The following ARID2 variants were observed in gnomAD, a reference collection of about 807,000 sequenced individuals.
ARID2 encodes AT-rich interaction domain 2, also known as AT-rich interactive domain-containing protein 2.
A neutral mutation model predicts 184.6 loss-of-function variants in ARID2; 32 were observed. That is an observed-to-expected ratio of 0.17 (90% confidence interval 0.13 to 0.23). The LOEUF (loss-of-function observed/expected upper bound fraction) is 0.23, where lower values mean the gene tolerates loss of function less well. Ranked by LOEUF, ARID2 falls within the 10% of genes least tolerant of loss-of-function variation. The pLI is 1.00. For missense variants in ARID2, 1,696 were observed against 2,197.6 expected (o/e 0.77, Z 4.56); for synonymous variants, 836 against 772.6 (o/e 1.08, Z -1.36).
intron 3 of ARID2, among the ~76,000 whole-genome samples, chr12:45,782,313 G>A (rs1942107796): frequency 6.6e-6 from 1 of 152,044 alleles, no homozygotes; most frequent in Admixed American, 6.6e-5. Flanking sequence ...AACCTGTAAA[G>A]TAAAACTAAT....
chr12:45,822,438 A>C (rs1035778569), intron 6 of ARID2, among the ~76,000 whole-genome samples: 2 of 152,122 alleles, frequency 1.3e-5, no homozygotes, highest in African/African-American at 4.8e-5. Flanking sequence ...AGGGAGGTTG[A>C]GGTGGGAGGA....
In ARID2 at chr12:45,817,848, C is replaced by G. The variant is rs776829647; in HGVS notation, c.597C>G (p.Ile199Met). Reference protein sequence around the residue: ...HVMQLEKDPKIITLLLANAGV... With the variant: ...HVMQLEKDPKMITLLLANAGV... Reference sequence around the variant, plus strand: ...TGCAACTTGAAAAAGATCCTAAAATCATCACTTTACTACTTGCTAATGCCG... The same window carrying G: ...TGCAACTTGAAAAAGATCCTAAAATGATCACTTTACTACTTGCTAATGCCG... Residue 199 changes from isoleucine to methionine, a missense_variant, in exon 5 of 21, where the codon ATC becomes ATG. Transcript: ENST00000334344. 6.2e-7 allele frequency: 1 copy of G among 1,613,054 alleles called. No homozygotes were observed. The highest frequency in any genetic ancestry group is 8.5e-7 in the Non-Finnish European group (1 of 1,179,612).
intron 15 of ARID2, among the ~76,000 whole-genome samples, chr12:45,859,902 T>C (rs902239426): frequency 1.3e-5 from 2 of 152,158 alleles, no homozygotes; most frequent in Non-Finnish European, 2.9e-5. Context: ...CCTGGCTAAT[T>C]TTTGTTTTTA....
chr12:45,760,491 G>A (rs182525767), intron 3 of ARID2, among the ~76,000 whole-genome samples: 277 of 151,824 alleles, frequency 1.8e-3, no homozygotes, highest in Non-Finnish European at 3.5e-3. Context: ...TTCTGCGTGT[G>A]TGTTTTTTTG....
In ARID2 at chr12:45,811,500, C is replaced by T. The variant is rs1468635333; in HGVS notation, c.367C>T (p.Pro123Ser). 6.2e-7 allele frequency: 1 copy of T among 1,613,894 alleles called. No homozygotes were observed. Among genetic ancestry groups the T allele is most frequent in the South Asian group, 1.1e-5 (1 of 91,064 alleles). ...VPPGNPKPQL[P>S]IGAIPSSYNY... ...ACCAGGCAATCCAAAGCCACAGCTT[C>T]CTATTGGTGCAATTCCATCTTCCTA... Residue 123 changes from proline (P) to serine (S), a missense_variant, in exon 4 of 21, where the codon CCT becomes TCT. Transcript: ENST00000334344.
chr12:45,775,002 T>C (rs925365456), intron 3 of ARID2, among the ~76,000 whole-genome samples: 1 of 152,144 alleles, frequency 6.6e-6, no homozygotes, highest in African/African-American at 2.4e-5. Context: ...GAATAGTGGC[T>C]AGGGATACTG....
At position 45,839,380 on chromosome 12, in the gene ARID2, C is replaced by T. The variant is rs142830612; in HGVS notation, c.1382C>T (p.Ala461Val). The T allele has an allele frequency of 3.3e-5, 53 of 1,613,764 alleles. No homozygotes were observed. The African/African-American group carries it at 6.7e-4, about 20-fold the overall frequency. The change falls in exon 11 of 21, where the codon GCA becomes GTA. Residue 461 changes from alanine (A) to valine (V), a missense_variant. Coordinates refer to ENST00000334344, the MANE Select transcript of ARID2 (RefSeq NM_152641.4). ...GATATTCAGATGTTTGGCCCTGATG[C>T]ACTAGCTGCGGTAAAACTCATTGAA... The part of the protein sequence containing the change: ...SMDIQMFGPD[A>V]LAAVKLIEHP...
chr12:45,767,365 T>G (rs1390822084), intron 3 of ARID2, among the ~76,000 whole-genome samples: 2 of 152,256 alleles, frequency 1.3e-5, no homozygotes, highest in Non-Finnish European at 2.9e-5. Flanking sequence ...GGAAGAATTT[T>G]TAGTTTTTAT....
chr12:45,898,997 G>A (rs1168876261), intron 20 of ARID2, among the ~76,000 whole-genome samples: 4 of 152,026 alleles, frequency 2.6e-5, no homozygotes, highest in Non-Finnish European at 4.4e-5. Context: ...ATCAAGGCGG[G>A]GCGTGGTGGC....
Position 45,846,859 on chromosome 12 carries a change from C to A in ARID2, c.1502C>A (p.Ser501Tyr), listed in dbSNP as rs2138150184. 1 of 1,611,772 alleles carries A rather than the reference C, an allele frequency of 6.2e-7. No individual in the cohort carries two copies. Among genetic ancestry groups the A allele is most frequent in the Non-Finnish European group, 8.5e-7 (1 of 1,178,748 alleles). Reference sequence around the variant, plus strand: ...GCTAATGTATTTTTTTCTTTAGCTTCCAGAGCAGTTGTAGCGCAGCATGTT... The same window carrying A: ...GCTAATGTATTTTTTTCTTTAGCTTACAGAGCAGTTGTAGCGCAGCATGTT... Reference protein sequence around the residue: ...TQTHVASAPASRAVVAQHVAP... With the variant: ...TQTHVASAPAYRAVVAQHVAP... The change falls in exon 12 of 21, where the codon TCC becomes TAC. Residue 501 changes from serine to tyrosine, a missense_variant. Coordinates refer to ENST00000334344, the MANE Select transcript of ARID2 (RefSeq NM_152641.4).
chr12:45,840,117 T>C (rs1943314898), intron 11 of ARID2: 2 of 152,344 alleles, frequency 1.3e-5, no homozygotes, highest in South Asian at 2.1e-4. Flanking sequence ...TGGCTCATTA[T>C]GAGTCATCAT....
rs147967645 is a variant in ARID2, at chr12:45,760,352, T to C, written c.284+29038T>C. Reference sequence around the variant, plus strand: ...GTGATGTCACATACGTCATATGATATCAGACTTTCAAAGTGGCATTTTTCA... The same window carrying C: ...GTGATGTCACATACGTCATATGATACCAGACTTTCAAAGTGGCATTTTTCA... On this transcript the variant is annotated intron_variant, in intron 3 of 20. Coordinates refer to ENST00000334344, the MANE Select transcript of ARID2 (RefSeq NM_152641.4). Among the ~76,000 whole-genome samples, 413 of 152,360 alleles carry C rather than the reference T, an allele frequency of 2.7e-3. 1 individual carries two copies. Among genetic ancestry groups the C allele is most frequent in the African/African-American group, 9.4e-3 (391 of 41,598 alleles).
chr12:45,890,032 A>C (rs1482911814), intron 16 of ARID2, among the ~76,000 whole-genome samples: 1 of 152,226 alleles, frequency 6.6e-6, no homozygotes, highest in East Asian at 1.9e-4. Context: ...CTTCATTCAT[A>C]GTTAGATTAG....
At chr12:45,822,570 TA>T (rs1942918122) in intron 6 of ARID2, among the ~76,000 whole-genome samples, 1 of 152,176 alleles carries the variant, frequency 6.6e-6, no homozygotes, top group South Asian at 2.1e-4. Context: ...TAAAAATAAA[TA>T]AAAAATAAAA....
At chr12:45,753,883 C>T (rs539616539) in intron 3 of ARID2, among the ~76,000 whole-genome samples, 2 of 152,178 alleles carry the variant, frequency 1.3e-5, no homozygotes, top group African/African-American at 4.8e-5. Flanking sequence ...CATGAGCCCC[C>T]ATAACAACAA....
chr12:45,855,858 G>A (rs914434853), intron 15 of ARID2, among the ~76,000 whole-genome samples: 2 of 151,570 alleles, frequency 1.3e-5, no homozygotes, highest in Non-Finnish European at 2.9e-5. Context: ...GTAGCTGGGA[G>A]CACAGGCATG....
chr12:45,899,563 A>G (rs1162912776), intron 20 of ARID2, among the ~76,000 whole-genome samples: 4 of 149,754 alleles, frequency 2.7e-5, no homozygotes, highest in South Asian at 2.1e-4. Flanking sequence ...CCGAGATCCC[A>G]CCACTGCACT....
chr12:45,862,843 T>G (rs1943771241), intron 16 of ARID2, among the ~76,000 whole-genome samples: 2 of 152,234 alleles, frequency 1.3e-5, no homozygotes, highest in African/African-American at 4.8e-5. Flanking sequence ...TTTTTCTTGC[T>G]AGTCTTTTCT....
At chr12:45,888,656 A>G (rs1206410751) in intron 16 of ARID2, among the ~76,000 whole-genome samples, 2 of 152,104 alleles carry the variant, frequency 1.3e-5, no homozygotes, top group Admixed American at 1.3e-4. Context: ...TTGGCCTACT[A>G]TTTTCCAAAT....
Sources: allele counts gnomAD v4.1 joint callset (sites outside exome capture counted in the v4.1 genomes callset), GRCh38; gene constraint gnomAD v4.1.1; transcripts MANE v1.5; gene names NCBI Gene and HGNC (gene_info 2026-07-23, HGNC 2026-07-21).